NR5A2: variants seen among roughly 807,000 people sequenced by gnomAD.
NR5A2 encodes nuclear receptor subfamily 5 group A member 2, also known as CYP7A promoter-binding factor.
NR5A2 carries 26 observed loss-of-function variants against 62.7 expected under a neutral mutation model. That is an observed-to-expected ratio of 0.41 (90% CI 0.30 to 0.58). The LOEUF is 0.58. Among genes scored for constraint, NR5A2 ranks in the 20% least tolerant of loss-of-function variants. The pLI is 0.22. For synonymous variants in NR5A2, 246 were observed against 241.7 expected (o/e 1.02, Z -0.16); for missense variants, 541 against 669.1 (o/e 0.81, Z 2.11).
intron 7 of NR5A2, among the ~76,000 whole-genome samples, chr1:200,134,132 A>G (rs1426510636): frequency 1.3e-5 from 2 of 152,234 alleles, no homozygotes; most frequent in African/African-American, 4.8e-5. Context: ...AGCTTAAAGA[A>G]ATTGAAAAGT....
intron 7 of NR5A2, among the ~76,000 whole-genome samples, chr1:200,134,159 G>T (rs1009138544): frequency 1.3e-5 from 2 of 151,970 alleles, no homozygotes; most frequent in African/African-American, 4.8e-5. Context: ...AGTAACAAAG[G>T]TATAGTAAGC....
intron 5 of NR5A2, among the ~76,000 whole-genome samples, chr1:200,093,612 C>T (rs926863455): frequency 3.3e-5 from 5 of 152,282 alleles, no homozygotes; most frequent in Middle Eastern, 3.4e-3. Context: ...ATTTTCATTA[C>T]GCTTGGTTAC....
At chr1:200,120,540 A>C (rs10919811) in intron 6 of NR5A2, among the ~76,000 whole-genome samples, 64,997 of 151,996 alleles carry the variant, frequency 0.43, 14,027 homozygotes, top group Admixed American at 0.45. Flanking sequence ...AACTACTTGC[A>C]TGGGGAAAAT....
chr1:200,173,903 G>A (rs1231344622), intron 7 of NR5A2, 60 bp from the exon 8 acceptor site: 5 of 1,379,522 alleles, frequency 3.6e-6, no homozygotes, highest in Non-Finnish European at 3.8e-6. Flanking sequence ...CATTGCTTTA[G>A]TAAACAGGAA....
chr1:200,053,768 T>C (rs1237282653), intron 5 of NR5A2, among the ~76,000 whole-genome samples: 1 of 152,036 alleles, frequency 6.6e-6, no homozygotes, highest in African/African-American at 2.4e-5. Context: ...CCCGTGGGAG[T>C]GAATGAGTCA....
chr1:200,130,259 T>A (rs1666906431), intron 7 of NR5A2, among the ~76,000 whole-genome samples: 1 of 148,344 alleles, frequency 6.7e-6, no homozygotes, highest in Non-Finnish European at 1.5e-5. Context: ...AACAGAGATC[T>A]GCTTGCAGGA....
At chr1:200,160,493 C>T (rs191046189) in intron 7 of NR5A2, among the ~76,000 whole-genome samples, 1 of 152,308 alleles carries the variant, frequency 6.6e-6, no homozygotes, top group East Asian at 1.9e-4. Context: ...GGCTCTTAGC[C>T]TCACTCACAC....
intron 7 of NR5A2, among the ~76,000 whole-genome samples, chr1:200,124,348 C>T (rs931864816): frequency 3.3e-5 from 5 of 152,180 alleles, no homozygotes; most frequent in African/African-American, 1.2e-4. Flanking sequence ...AAGTTTGTTA[C>T]TGCTGACACA....
chr1:200,044,242 A>G (rs1443639393), intron 3 of NR5A2: 2 of 160,882 alleles, frequency 1.2e-5, no homozygotes, highest in African/African-American at 4.8e-5. Flanking sequence ...AGGGAATATG[A>G]CAAACTATTT....
At chr1:200,140,878 A>G (rs1235791591) in intron 7 of NR5A2, among the ~76,000 whole-genome samples, 1 of 152,188 alleles carries the variant, frequency 6.6e-6, no homozygotes, top group African/African-American at 2.4e-5. Context: ...TAAAAATACA[A>G]AAATTAGCCG....
chr1:200,163,432 T>C (rs550485964), intron 7 of NR5A2, among the ~76,000 whole-genome samples: 102 of 151,892 alleles, frequency 6.7e-4, no homozygotes, highest in Non-Finnish European at 7.4e-5. Context: ...AGTCTCTGCC[T>C]ACACGGCTTT....
chr1:200,079,809 T>TG (rs1664207739), intron 5 of NR5A2, among the ~76,000 whole-genome samples: 1 of 152,020 alleles, frequency 6.6e-6, no homozygotes, highest in African/African-American at 2.4e-5. Context: ...GTGAGGCAAG[T>TG]GGGGAATGAA....
intron 7 of NR5A2, among the ~76,000 whole-genome samples, chr1:200,123,269 CAG>C (rs574483070): frequency 2.4e-3 from 370 of 152,266 alleles, no homozygotes; most frequent in Non-Finnish European, 4.2e-3. Context: ...AGAGATGAAA[CAG>C]TGTTTTCCAG....
chr1:200,096,458 G>GGTAT (rs1463551091), intron 5 of NR5A2, among the ~76,000 whole-genome samples: 1 of 152,194 alleles, frequency 6.6e-6, no homozygotes. Context: ...AACAGACTGT[G>GGTAT]GTATGTATGT....
At chr1:200,038,388 G>C (rs1348746808) in intron 1 of NR5A2, among the ~76,000 whole-genome samples, 1 of 152,210 alleles carries the variant, frequency 6.6e-6, no homozygotes, top group East Asian at 1.9e-4. Flanking sequence ...ACTGGGGAAA[G>C]AGGAGTCGCT....
At chr1:200,148,288 T>A (rs1172136608) in intron 7 of NR5A2, 3 of 193,600 alleles carry the variant, frequency 1.5e-5, no homozygotes. Context: ...ATGGCTCTCC[T>A]GTTCTTGGGG....
chr1:200,172,052 A>G (rs1056879565), intron 7 of NR5A2, among the ~76,000 whole-genome samples: 1 of 152,312 alleles, frequency 6.6e-6, no homozygotes, highest in South Asian at 2.1e-4. Context: ...CATCCTCTCT[A>G]TTAATCTCTG....
chr1:200,136,292 C>A (rs7534477), intron 7 of NR5A2, among the ~76,000 whole-genome samples: 1 of 151,934 alleles, frequency 6.6e-6, no homozygotes, highest in African/African-American at 2.4e-5. Flanking sequence ...AATCTCTGCT[C>A]ACCGCAACCT....
intron 5 of NR5A2, among the ~76,000 whole-genome samples, chr1:200,069,033 A>G (rs1331307667): frequency 6.6e-6 from 1 of 152,180 alleles, no homozygotes; most frequent in African/African-American, 2.4e-5. Context: ...TCTCTGAGCT[A>G]AGTTCAGCAT....
Sources: allele counts gnomAD v4.1 joint callset (sites outside exome capture counted in the v4.1 genomes callset), GRCh38; gene constraint gnomAD v4.1.1; transcripts MANE v1.5; gene names NCBI Gene and HGNC (gene_info 2026-07-23, HGNC 2026-07-21).